The following TMEM163 variants were observed in gnomAD, a reference collection of about 807,000 sequenced individuals.
The protein encoded by TMEM163 is transmembrane protein 163.
Under a neutral mutation model 29.3 loss-of-function variants are expected in TMEM163, and 17 were observed. That is an observed-to-expected ratio of 0.58 (90% confidence interval 0.40 to 0.87). The LOEUF is 0.87. TMEM163 is among the 40% of genes least tolerant of loss of function. The pLI is 0.00. For missense variants in TMEM163, 303 were observed against 381.5 expected (o/e 0.79, Z 1.71); for synonymous variants, 157 against 160.6 (o/e 0.98, Z 0.17).
chr2:134,698,298 T>C (rs1027365553), intron 2 of TMEM163, among the ~76,000 whole-genome samples: 9 of 152,262 alleles, frequency 5.9e-5, no homozygotes, highest in African/African-American at 2.2e-4. Flanking sequence ...TTAATGGTCA[T>C]AAACCATTCA....
intron 5 of TMEM163, among the ~76,000 whole-genome samples, chr2:134,495,054 C>T (rs1396221180): frequency 6.6e-6 from 1 of 152,234 alleles, no homozygotes; most frequent in African/African-American, 2.4e-5. Context: ...GAAGAATCTA[C>T]TGCCAGGGCA....
chr2:134,630,308 T>C (rs1330506259), intron 2 of TMEM163, among the ~76,000 whole-genome samples: 2 of 151,340 alleles, frequency 1.3e-5, no homozygotes, highest in Non-Finnish European at 2.9e-5. Flanking sequence ...GGATCATTGG[T>C]ACCAGTGCCA....
chr2:134,679,763 G>A (rs1407661578), intron 2 of TMEM163, among the ~76,000 whole-genome samples: 4 of 152,216 alleles, frequency 2.6e-5, no homozygotes, highest in Non-Finnish European at 4.4e-5. Context: ...CTAGTAAGAG[G>A]TGCCCTGCCT....
chr2:134,625,831 T>C (rs1163948371), intron 2 of TMEM163, among the ~76,000 whole-genome samples: 1 of 152,152 alleles, frequency 6.6e-6, no homozygotes, highest in Non-Finnish European at 1.5e-5. Context: ...GAGTCAGCTG[T>C]AGGGGCAGCT....
At position 134,561,591 on chromosome 2, in the gene TMEM163, C is replaced by T. The variant is rs147347147; in HGVS notation, c.323-9500G>A. ...GTCTCGATCTCCTGACCTCGCGATC[C>T]GCCTGACTTGGCCTCCCAAAGTGAG... On this transcript the variant is annotated intron_variant, in intron 2 of 7. Transcript: ENST00000281924. 5.9e-3 allele frequency among the ~76,000 whole-genome samples: 895 copies of T among 152,268 alleles called. 9 individuals carry two copies. Among genetic ancestry groups the T allele is most frequent in the African/African-American group, 0.02 (832 of 41,562 alleles).
intron 4 of TMEM163, among the ~76,000 whole-genome samples, chr2:134,510,289 C>A (rs501955): frequency 0.36 from 54,050 of 152,036 alleles, 9,858 homozygotes; most frequent in South Asian, 0.59. Context: ...GATAGGATAG[C>A]TAGTACACAG....
At chr2:134,509,841 G>A (rs190094782) in intron 4 of TMEM163, among the ~76,000 whole-genome samples, 88 of 152,350 alleles carry the variant, frequency 5.8e-4, no homozygotes, top group African/African-American at 1.6e-3. Flanking sequence ...TCTGTAGTGC[G>A]ACATCTAAGC....
At position 134,659,276 on chromosome 2, in the gene TMEM163, C is replaced by A. The variant is rs1264056715; in HGVS notation, c.322+53924G>T. Among the ~76,000 whole-genome samples the A allele has an allele frequency of 7.9e-5, 12 of 152,360 alleles. 1 individual carries two copies. Among genetic ancestry groups the A allele is most frequent in the Admixed American group, 5.2e-4 (8 of 15,308 alleles). On this transcript the variant is annotated intron_variant, in intron 2 of 7. Coordinates refer to ENST00000281924, the MANE Select transcript of TMEM163 (RefSeq NM_030923.5). The stretch of plus-strand genomic sequence containing the variant: ...CCATTTTAATCTATAGGACCACTGT[C>A]ATGTATGCAGTGGACCCAAACATCA...
At chr2:134,627,355 T>C (rs1682876427) in intron 2 of TMEM163, among the ~76,000 whole-genome samples, 1 of 152,212 alleles carries the variant, frequency 6.6e-6, no homozygotes, top group South Asian at 2.1e-4. Context: ...AATAGTTGAA[T>C]CTTTATAAAA....
chr2:134,569,354 C>T (rs1324308285), intron 2 of TMEM163, among the ~76,000 whole-genome samples: 1 of 152,118 alleles, frequency 6.6e-6, no homozygotes, highest in African/African-American at 2.4e-5. Context: ...CCTAAGGGAC[C>T]ACAGTGGGCC....
In TMEM163 at chr2:134,502,909, G is replaced by A. The variant is rs2106487324; in HGVS notation, c.547C>T (p.Pro183Ser). The A allele has an allele frequency of 3.1e-6, 5 of 1,613,554 alleles. No homozygotes were observed. Among genetic ancestry groups the A allele is most frequent in the Non-Finnish European group, 3.4e-6 (4 of 1,179,762 alleles). The change falls in exon 5 of 8, where the codon CCA (proline) becomes TCA (serine). Residue 183 changes from proline (P) to serine (S), a missense_variant. Pro to Ser is a moderately conservative substitution (Grantham distance 74). This residue lies in a region of TMEM163 where 203 missense variants were observed against 294.3 expected (regional missense o/e 0.69). Transcript: ENST00000281924. ...AAGAAGAAGGACCTTACCACTTCTG[G>A]GAGCAGCCTAGTTGAGAGGTCATGG... ...AIHDLSTRLL[P>S]EVDDFLFSVS...
chr2:134,675,193 A>G (rs1187877182), intron 2 of TMEM163, among the ~76,000 whole-genome samples: 1 of 152,268 alleles, frequency 6.6e-6, no homozygotes, highest in Non-Finnish European at 1.5e-5. Flanking sequence ...CATTCTCAGG[A>G]AAGTTTCCTG....
chr2:134,636,109 G>A (rs1683097483), intron 2 of TMEM163, among the ~76,000 whole-genome samples: 2 of 152,086 alleles, frequency 1.3e-5, no homozygotes, highest in South Asian at 2.1e-4. Context: ...TCACTAACAC[G>A]AGGACATGTG....
At position 134,552,083 on chromosome 2, in the gene TMEM163, C is replaced by T. The variant is rs755523021; in HGVS notation, c.331G>A (p.Val111Ile). The T allele has an allele frequency of 1.9e-5, 31 of 1,612,092 alleles. No homozygotes were observed. The highest frequency in any genetic ancestry group is 1.0e-4 in the Admixed American group (6 of 59,824). ...AAAGCAGAGGCGCTGTACCTCATAA[C>T]GGAGACAGCTAAAAAGAAAGAAAAT... ...ALAVAAFTVS[V>I]MRYSASAFGF... Residue 111 changes from valine to isoleucine, a missense_variant, in exon 3 of 8, where the codon GTT becomes ATT. Around this residue, in one of 2 missense-constraint regions of TMEM163, gnomAD observed 203 missense variants for 294.3 expected, o/e 0.69. Transcript: ENST00000281924.
intron 2 of TMEM163, among the ~76,000 whole-genome samples, chr2:134,638,724 G>A (rs1683162402): frequency 6.6e-6 from 1 of 152,174 alleles, no homozygotes; most frequent in Non-Finnish European, 1.5e-5. Flanking sequence ...AGTGAGGAAA[G>A]GAGAGGGGAG....
intron 5 of TMEM163, among the ~76,000 whole-genome samples, chr2:134,497,244 C>G (rs931871823): frequency 4.6e-5 from 7 of 152,208 alleles, no homozygotes; most frequent in Non-Finnish European, 1.0e-4. Flanking sequence ...TGCAAAAACT[C>G]TAGCCATTAT....
intron 4 of TMEM163, among the ~76,000 whole-genome samples, chr2:134,540,362 CTG>C (rs530663292): frequency 4.5e-4 from 69 of 152,366 alleles, no homozygotes; most frequent in Middle Eastern, 6.8e-3. Context: ...GGCAGTTTAT[CTG>C]TGTCTGGCCA....
rs568962153 is a variant in TMEM163 at position 134,467,777 on chromosome 2, G to C, written c.556-1552C>G. 16 of 152,372 alleles carry C rather than the reference G, an allele frequency of 1.1e-4. 1 individual carries two copies. Among genetic ancestry groups the C allele is most frequent in the African/African-American group, 3.6e-4 (15 of 41,576 alleles). 9.4% of individuals were successfully genotyped at this position (152,372 alleles called of 1,614,324 possible). Reference sequence around the variant, plus strand: ...AATAGTGCTGTCATCTCATGGTAGAGATTAATTTGCCGTGGCTGTGTGCGA... The same window carrying C: ...AATAGTGCTGTCATCTCATGGTAGACATTAATTTGCCGTGGCTGTGTGCGA... On this transcript the variant is annotated intron_variant, in intron 5 of 7. Transcript: ENST00000281924.
At chr2:134,467,866 C>CT (rs1377543615) in intron 5 of TMEM163, 2 of 152,182 alleles carry the variant, frequency 1.3e-5, no homozygotes, top group Non-Finnish European at 2.9e-5. Context: ...CTGTAAAACT[C>CT]TTCTATTAAT....
Sources: allele counts gnomAD v4.1 joint callset (sites outside exome capture counted in the v4.1 genomes callset), GRCh38; gene constraint gnomAD v4.1.1; regional missense constraint gnomAD v4.1.1; transcripts MANE v1.5; gene names NCBI Gene and HGNC (gene_info 2026-07-23, HGNC 2026-07-21).